Variants in CMSS1 observed in about 807,000 individuals in gnomAD.
CMSS1 encodes the protein protein CMSS1.
Under a neutral mutation model 43.5 loss-of-function variants are expected in CMSS1, and 33 were observed. That is an observed-to-expected ratio of 0.76 (90% CI 0.57 to 1.01). CMSS1 has a LOEUF of 1.01. CMSS1 is among the 50% of genes least tolerant of loss of function. The probability of loss-of-function intolerance (pLI) is 0.00; values close to 1 mark genes in which losing one functional copy is unlikely to be tolerated. For missense variants in CMSS1, 313 were observed against 326.4 expected, an observed-to-expected ratio of 0.96 and a Z score of 0.32; for synonymous variants, 115 against 117.2, an observed-to-expected ratio of 0.98 and a Z score of 0.12.
intron 1 of CMSS1, chr3:99,850,167 T>C: frequency 4.3e-6 from 7 of 1,610,908 alleles, no homozygotes; most frequent in Non-Finnish European, 5.9e-6. Context: ...TTGTTTTCCG[T>C]TCATCTACAA....
chr3:100,138,418 GGA>G (rs1470963789), intron 1 of CMSS1, among the ~76,000 whole-genome samples: 1 of 152,010 alleles, frequency 6.6e-6, no homozygotes, highest in Non-Finnish European at 1.5e-5. Flanking sequence ...CTATAGATTG[GGA>G]GAAAAATTTT....
chr3:100,113,577 T>C (rs1467548658), intron 1 of CMSS1, among the ~76,000 whole-genome samples: 2 of 152,230 alleles, frequency 1.3e-5, no homozygotes, highest in Non-Finnish European at 2.9e-5. Flanking sequence ...CTTCCATTAA[T>C]CTTTCCATGA....
chr3:100,059,057 G>A (rs1316154650), intron 1 of CMSS1, among the ~76,000 whole-genome samples: 1 of 152,072 alleles, frequency 6.6e-6, no homozygotes, highest in African/African-American at 2.4e-5. Context: ...CTACCTTTAG[G>A]GTAATTTCTC....
intron 1 of CMSS1, among the ~76,000 whole-genome samples, chr3:99,957,849 T>G (rs965552951): frequency 1.3e-5 from 2 of 151,342 alleles, no homozygotes; most frequent in Non-Finnish European, 2.9e-5. Flanking sequence ...TATTTGTATG[T>G]TCTTAATATA....
At chr3:100,078,576 G>A (rs745388385) in intron 1 of CMSS1, among the ~76,000 whole-genome samples, 1 of 151,790 alleles carries the variant, frequency 6.6e-6, no homozygotes. Context: ...CAACACTAGC[G>A]ATAGCTGATG....
At chr3:100,011,018 T>C (rs1446414364) in intron 1 of CMSS1, among the ~76,000 whole-genome samples, 1 of 151,954 alleles carries the variant, frequency 6.6e-6, no homozygotes, top group Non-Finnish European at 1.5e-5. Flanking sequence ...AAATACACAA[T>C]TTAGGAAGTA....
chr3:99,969,050 A>G (rs562380403), intron 1 of CMSS1, among the ~76,000 whole-genome samples: 181 of 152,220 alleles, frequency 1.2e-3, no homozygotes, highest in Middle Eastern at 3.4e-3. Context: ...GAATTTAAAG[A>G]TTTAGGAAGT....
chr3:99,975,979 G>C (rs1379261360), intron 1 of CMSS1, among the ~76,000 whole-genome samples: 1 of 152,144 alleles, frequency 6.6e-6, no homozygotes, highest in African/African-American at 2.4e-5. Flanking sequence ...CCGCCTCCTG[G>C]GTTCAAGCGA....
chr3:100,065,504 C>G (rs1024111951), intron 1 of CMSS1, among the ~76,000 whole-genome samples: 1 of 152,148 alleles, frequency 6.6e-6, no homozygotes, highest in South Asian at 2.1e-4. Context: ...CCCGTGGCTG[C>G]CTCATCCTAG....
At chr3:100,014,887 C>CTTTTTTTTTTTTTTTTTTTTTTTTTT (rs1559725867) in intron 1 of CMSS1, among the ~76,000 whole-genome samples, 2 of 32,462 alleles carry the variant, frequency 6.2e-5, no homozygotes, top group Non-Finnish European at 1.2e-4. Context: ...TTTTTTTTTT[C>CTTTTTTTTTTTTTTTTTTTTTTTTTT]TTTCTTTCTT....
At chr3:99,858,290 C>G (rs955789201) in intron 1 of CMSS1, among the ~76,000 whole-genome samples, 1 of 151,934 alleles carries the variant, frequency 6.6e-6, no homozygotes, top group African/African-American at 2.4e-5. Flanking sequence ...ATGGTGAAAC[C>G]CTGTCTCCAC....
chr3:99,917,815 CTG>C (rs1706999642), intron 1 of CMSS1, among the ~76,000 whole-genome samples: 1 of 152,194 alleles, frequency 6.6e-6, no homozygotes, highest in Non-Finnish European at 1.5e-5. Context: ...GTGGTAGTCA[CTG>C]TCATTCTCAC....
intron 1 of CMSS1, among the ~76,000 whole-genome samples, chr3:100,107,388 C>T (rs559185065): frequency 6.6e-6 from 1 of 152,076 alleles, no homozygotes; most frequent in Non-Finnish European, 1.5e-5. Flanking sequence ...GCATTATAGC[C>T]TCTTCTGACA....
intron 1 of CMSS1, among the ~76,000 whole-genome samples, chr3:100,015,148 C>G (rs1710304365): frequency 6.6e-6 from 1 of 151,796 alleles, no homozygotes. Flanking sequence ...GTTAAAGATG[C>G]TGTCCTTTTC....
chr3:99,830,739 G>T (rs1576492393), intron 1 of CMSS1: 3 of 381,290 alleles, frequency 7.9e-6, no homozygotes, highest in Non-Finnish European at 1.6e-5. Context: ...TCAGATCAAA[G>T]ATCGTCAGGT....
At chr3:100,122,110 A>G (rs994808356) in intron 1 of CMSS1, among the ~76,000 whole-genome samples, 4 of 152,206 alleles carry the variant, frequency 2.6e-5, no homozygotes, top group African/African-American at 9.6e-5. Flanking sequence ...CTAACAGAGA[A>G]ATTAAATGCA....
At chr3:100,141,768 T>G (rs1434584058) in intron 1 of CMSS1, 6 of 339,554 alleles carry the variant, frequency 1.8e-5, no homozygotes, top group Non-Finnish European at 2.9e-5. Flanking sequence ...GGCAGTGTCT[T>G]TTTTTTTAAG....
intron 1 of CMSS1, among the ~76,000 whole-genome samples, chr3:99,941,000 A>G (rs1047291435): frequency 2.0e-5 from 3 of 152,242 alleles, no homozygotes; most frequent in African/African-American, 7.2e-5. Flanking sequence ...CCCCTTTCCC[A>G]GCATCTCAGG....
chr3:100,124,088 C>T (rs996593116), intron 1 of CMSS1, among the ~76,000 whole-genome samples: 20 of 152,094 alleles, frequency 1.3e-4, no homozygotes, highest in African/African-American at 4.1e-4. Context: ...CAGTTCAGAG[C>T]TGAAAAACAT....
Sources: gnomAD v4.1 joint callset for allele counts (sites outside exome capture counted in the v4.1 genomes callset) on GRCh38, gnomAD v4.1.1 for gene constraint, MANE v1.5 for transcripts, NCBI Gene and HGNC (gene_info 2026-07-23, HGNC 2026-07-21) for gene names.